The following CSMD1 variants were observed in gnomAD, a reference collection of about 807,000 sequenced individuals.
CSMD1 encodes CUB and sushi domain-containing protein 1.
Under a neutral mutation model 417.5 loss-of-function variants are expected in CSMD1, and 213 were observed. That is an observed-to-expected ratio of 0.51 (90% confidence interval 0.46 to 0.57). The LOEUF (loss-of-function observed/expected upper bound fraction) is 0.57, where lower values mean the gene tolerates loss of function less well. Among genes scored for constraint, CSMD1 ranks in the 20% least tolerant of loss-of-function variants. The pLI is 0.00. For missense variants in CSMD1, 6,923 were observed against 4,529.7 expected (o/e 1.53, Z -15.17); for synonymous variants, 2,862 against 1,736.8 (o/e 1.65, Z -16.11).
At chr8:3,592,602 G>A (rs1232168178) in intron 8 of CSMD1, among the ~76,000 whole-genome samples, 1 of 152,082 alleles carries the variant, frequency 6.6e-6, no homozygotes, top group Non-Finnish European at 1.5e-5. Flanking sequence ...TGCTTAAGAG[G>A]AACAAAGCTG....
At chr8:4,501,945 G>C (rs1002058262) in intron 2 of CSMD1, among the ~76,000 whole-genome samples, 3 of 152,106 alleles carry the variant, frequency 2.0e-5, no homozygotes, top group South Asian at 2.1e-4. Context: ...TAGAATAAGG[G>C]AGAGAACTGT....
chr8:3,520,039 T>TATATATATATATATATATACACAC (rs545212684), intron 10 of CSMD1, among the ~76,000 whole-genome samples: 6 of 147,106 alleles, frequency 4.1e-5, no homozygotes, highest in African/African-American at 1.6e-4. Context: ...TATATATATA[T>TATATATATATATATATATACACAC]ACACGTATAG....
At chr8:3,434,406 G>T (rs969830018) in intron 12 of CSMD1, among the ~76,000 whole-genome samples, 1 of 152,118 alleles carries the variant, frequency 6.6e-6, no homozygotes, top group Non-Finnish European at 1.5e-5. Context: ...TTTGTAAAGA[G>T]TTCCAGTTAA....
At chr8:4,827,513 T>C (rs1287569055) in intron 1 of CSMD1, among the ~76,000 whole-genome samples, 1 of 152,216 alleles carries the variant, frequency 6.6e-6, no homozygotes, top group Non-Finnish European at 1.5e-5. Context: ...CAAAATATTC[T>C]AAAATTTTCC....
In CSMD1 at chr8:4,711,615, G is replaced by C. The variant is rs181991076; in HGVS notation, c.86-74057C>G. Among the ~76,000 whole-genome samples, 12 of 152,078 alleles carry C rather than the reference G, an allele frequency of 7.9e-5. No individual in the cohort carries two copies. The East Asian group carries it at 2.3e-3, about 29-fold the overall frequency. ...ACTAAATTAGAAATATAGTCTGTAA[G>C]AGAATTATTTTTGCAGTCGGAAAAG... On this transcript the variant is annotated intron_variant, in intron 1 of 69. Coordinates refer to ENST00000635120, the MANE Select transcript of CSMD1 (RefSeq NM_033225.6).
chr8:4,190,555 T>C (rs1798964939), intron 3 of CSMD1, among the ~76,000 whole-genome samples: 1 of 151,434 alleles, frequency 6.6e-6, no homozygotes, highest in African/African-American at 2.4e-5. Context: ...TTTTTTTTTT[T>C]AACTGAAAGA....
Position 3,867,885 on chromosome 8 carries a change from C to G in CSMD1, c.819-113843G>C, listed in dbSNP as rs144828623. Among the ~76,000 whole-genome samples, 658 of 152,114 alleles carry G rather than the reference C, an allele frequency of 4.3e-3. 2 individuals carry two copies. Among genetic ancestry groups the G allele is most frequent in the Non-Finnish European group, 7.0e-3 (474 of 68,014 alleles). The stretch of plus-strand genomic sequence containing the variant: ...GACCACTGGCCAGATCTTCCTGAAC[C>G]GTTCCCAAGACTCTGTGTCACCTCC... On this transcript the variant is annotated intron_variant, in intron 5 of 69. Transcript: ENST00000635120.
chr8:3,886,507 C>A (rs758831482), intron 5 of CSMD1, among the ~76,000 whole-genome samples: 3 of 152,206 alleles, frequency 2.0e-5, no homozygotes, highest in Non-Finnish European at 2.9e-5. Flanking sequence ...CACTACCCAG[C>A]AGTGCTGCTG....
In CSMD1 at chr8:3,439,307, A is replaced by ATTTT. The variant is rs1356132702; in HGVS notation, c.1561+29404_1561+29405insAAAA. Among the ~76,000 whole-genome samples, 27 of 43,778 alleles carry ATTTT rather than the reference A, an allele frequency of 6.2e-4. 1 individual carries two copies. Among genetic ancestry groups the ATTTT allele is most frequent in the East Asian group, 2.1e-3 (2 of 974 alleles). The allele number at this position is 43,778 out of a possible 152,430, so 28.7% of individuals were successfully genotyped here. On this transcript the variant is annotated intron_variant, in intron 12 of 69. Transcript: ENST00000635120. ...TATATATATATATATATATATATAT[A>ATTTT]TATTTTTTTTTTTAATATGTATTTT...
intron 2 of CSMD1, among the ~76,000 whole-genome samples, chr8:4,437,600 A>C (rs1798220090): frequency 6.6e-6 from 1 of 152,178 alleles, no homozygotes; most frequent in Non-Finnish European, 1.5e-5. Context: ...TTTATTTCAT[A>C]CTCTATCAGC....
chr8:4,091,849 C>G (rs558989990), intron 3 of CSMD1, among the ~76,000 whole-genome samples: 1 of 152,126 alleles, frequency 6.6e-6, no homozygotes, highest in African/African-American at 2.4e-5. Context: ...AATGGAGAAA[C>G]AACAGAATTT....
intron 5 of CSMD1, among the ~76,000 whole-genome samples, chr8:3,785,389 C>A (rs778793691): frequency 6.6e-6 from 1 of 152,120 alleles, no homozygotes; most frequent in Non-Finnish European, 1.5e-5. Context: ...ACCTGGCCAT[C>A]AAGGGTCTGT....
At chr8:4,962,225 G>C (rs902395113) in intron 1 of CSMD1, among the ~76,000 whole-genome samples, 2 of 145,178 alleles carry the variant, frequency 1.4e-5, no homozygotes, top group African/African-American at 2.6e-5. Context: ...ACAAATATTT[G>C]TTGGAGACAG....
Position 4,372,519 on chromosome 8 carries a change from A to C in CSMD1, c.415+47434T>G, listed in dbSNP as rs906700662. Reference sequence around the variant, plus strand: ...CAAAAAACAGAAAAAAAGTCCTCTAATACCTCATCCAATAAAATGATTCAA... The same window carrying C: ...CAAAAAACAGAAAAAAAGTCCTCTACTACCTCATCCAATAAAATGATTCAA... On this transcript the variant is annotated intron_variant, in intron 3 of 69. Coordinates refer to ENST00000635120, the MANE Select transcript of CSMD1 (RefSeq NM_033225.6). 5.3e-5 allele frequency among the ~76,000 whole-genome samples: 8 copies of C among 152,136 alleles called. No individual in the cohort carries two copies. In the South Asian group the frequency reaches 1.2e-3, roughly 24 times the overall value.
chr8:4,205,448 C>G (rs925362772), intron 3 of CSMD1, among the ~76,000 whole-genome samples: 1 of 152,184 alleles, frequency 6.6e-6, no homozygotes, highest in Non-Finnish European at 1.5e-5. Flanking sequence ...TCATGATGCG[C>G]CCATTTATAT....
rs186166240 is a variant in CSMD1 at position 4,611,507 on chromosome 8, A to G, written c.302+25835T>C. Among the ~76,000 whole-genome samples the G allele has an allele frequency of 3.3e-4, 50 of 152,288 alleles. No individual in the cohort carries two copies. The East Asian group carries it at 8.5e-3, about 26-fold the overall frequency. On this transcript the variant is annotated intron_variant, in intron 2 of 69. Coordinates refer to ENST00000635120, the MANE Select transcript of CSMD1 (RefSeq NM_033225.6). The stretch of plus-strand genomic sequence containing the variant: ...AATTGCCTAGATATAAAACTTGTGG[A>G]TAAAACTATCGCAATTTATTAAGAC...
At chr8:4,162,611 G>A (rs757621649) in intron 3 of CSMD1, among the ~76,000 whole-genome samples, 12 of 151,970 alleles carry the variant, frequency 7.9e-5, no homozygotes, top group Non-Finnish European at 5.9e-5. Context: ...GTTTTTCTAG[G>A]TTCACAAAAA....
intron 2 of CSMD1, among the ~76,000 whole-genome samples, chr8:4,606,583 G>T (rs57793308): frequency 6.6e-6 from 1 of 152,188 alleles, no homozygotes; most frequent in Admixed American, 6.5e-5. Flanking sequence ...TCAAGGACCA[G>T]GTAATGAGGG....
intron 6 of CSMD1, among the ~76,000 whole-genome samples, chr8:3,721,978 C>T (rs1484624580): frequency 2.6e-5 from 4 of 152,112 alleles, no homozygotes; most frequent in Non-Finnish European, 5.9e-5. Flanking sequence ...TCCTGCTGTC[C>T]CCAAGCCCCC....
Sources: allele counts gnomAD v4.1 joint callset (sites outside exome capture counted in the v4.1 genomes callset), GRCh38; gene constraint gnomAD v4.1.1; transcripts MANE v1.5; gene names NCBI Gene and HGNC (gene_info 2026-07-23, HGNC 2026-07-21).